ARHGAP24: variants seen among roughly 807,000 people sequenced by gnomAD.
ARHGAP24 encodes rho GTPase-activating protein 24.
A neutral mutation model predicts 76.4 loss-of-function variants in ARHGAP24; 50 were observed. The ratio of observed to expected loss-of-function variants is 0.65; its 90% CI spans 0.52 to 0.83. The LOEUF (loss-of-function observed/expected upper bound fraction) is 0.83, where lower values mean the gene tolerates loss of function less well. Among genes scored for constraint, ARHGAP24 ranks in the 40% least tolerant of loss-of-function variants. ARHGAP24 has a pLI of 0.00. For missense variants in ARHGAP24, 930 were observed against 914.2 expected (o/e 1.02, Z -0.22); for synonymous variants, 345 against 323.3 (o/e 1.07, Z -0.72).
At chr4:85,661,451 A>G (rs376412310) in intron 2 of ARHGAP24, among the ~76,000 whole-genome samples, 1 of 152,234 alleles carries the variant, frequency 6.6e-6, no homozygotes, top group East Asian at 1.9e-4. Flanking sequence ...TAGGCTTGCA[A>G]ATTTTCAAAA....
chr4:85,501,972 A>T (rs1723837264), intron 1 of ARHGAP24, among the ~76,000 whole-genome samples: 1 of 152,150 alleles, frequency 6.6e-6, no homozygotes, highest in South Asian at 2.1e-4. Flanking sequence ...CTATTTATTA[A>T]ATAGGGAATC....
chr4:85,979,122 A>G (rs1739495937), intron 8 of ARHGAP24, among the ~76,000 whole-genome samples: 2 of 152,222 alleles, frequency 1.3e-5, no homozygotes, highest in South Asian at 2.1e-4. Context: ...TGCATTTCCT[A>G]CAAGTTAGGA....
chr4:85,819,874 C>T (rs776953771), intron 3 of ARHGAP24, among the ~76,000 whole-genome samples: 1 of 149,672 alleles, frequency 6.7e-6, no homozygotes, highest in Non-Finnish European at 1.5e-5. Context: ...GAGCTGACAT[C>T]GTGCCATTGC....
intron 2 of ARHGAP24, among the ~76,000 whole-genome samples, chr4:85,660,794 C>CAAAAAAAAAAAAA (rs34228407): frequency 0.015 from 900 of 59,410 alleles, 212 homozygotes; most frequent in Middle Eastern, 0.062. Context: ...GACTCCGTCT[C>CAAAAAAAAAAAAA]AAAAAAAAAA....
chr4:85,937,656 A>G (rs967489522), intron 4 of ARHGAP24, among the ~76,000 whole-genome samples: 15 of 152,212 alleles, frequency 9.9e-5, no homozygotes, highest in Non-Finnish European at 2.1e-4. Context: ...ATCATGTAAC[A>G]TGGGACGTGT....
chr4:85,578,743 T>C (rs1365021680), intron 2 of ARHGAP24, among the ~76,000 whole-genome samples: 1 of 35,782 alleles, frequency 2.8e-5, no homozygotes, highest in African/African-American at 7.2e-5. Context: ...TAGCTATTGA[T>C]GTTACTATCA....
intron 4 of ARHGAP24, among the ~76,000 whole-genome samples, chr4:85,938,129 T>C (rs560233302): frequency 5.9e-5 from 9 of 152,262 alleles, no homozygotes; most frequent in Admixed American, 4.6e-4. Context: ...CACCTACCAG[T>C]ATAATAAATT....
intron 3 of ARHGAP24, among the ~76,000 whole-genome samples, chr4:85,833,976 G>C (rs539717838): frequency 6.6e-6 from 1 of 152,318 alleles, no homozygotes; most frequent in South Asian, 2.1e-4. Context: ...GTGAAGCTCA[G>C]TTTTCACATA....
At chr4:85,603,864 T>TA (rs933736480) in intron 2 of ARHGAP24, among the ~76,000 whole-genome samples, 34 of 150,378 alleles carry the variant, frequency 2.3e-4, no homozygotes, top group African/African-American at 7.5e-4. Flanking sequence ...TAAGCGTTGA[T>TA]TTTTTTTTTA....
intron 2 of ARHGAP24, among the ~76,000 whole-genome samples, chr4:85,592,699 T>C (rs1728167614): frequency 2.6e-5 from 4 of 152,190 alleles, no homozygotes; most frequent in Non-Finnish European, 4.4e-5. Context: ...TCAATTGTTT[T>C]AATTTTTAAC....
intron 2 of ARHGAP24, among the ~76,000 whole-genome samples, chr4:85,645,913 A>G (rs571031542): frequency 1.3e-5 from 2 of 152,088 alleles, no homozygotes; most frequent in African/African-American, 4.8e-5. Context: ...TTGATTGTTG[A>G]TACAATATGT....
At chr4:85,735,113 T>G (rs1343542594) in intron 3 of ARHGAP24, among the ~76,000 whole-genome samples, 1 of 152,196 alleles carries the variant, frequency 6.6e-6, no homozygotes, top group African/African-American at 2.4e-5. Flanking sequence ...TGTTTTTATC[T>G]TGTTATGTAA....
At chr4:85,482,776 C>G (rs564412712) in intron 1 of ARHGAP24, among the ~76,000 whole-genome samples, 89 of 152,320 alleles carry the variant, frequency 5.8e-4, no homozygotes, top group Middle Eastern at 3.4e-3. Context: ...TTAATCCTCA[C>G]AGTTCCTACA....
intron 5 of ARHGAP24, among the ~76,000 whole-genome samples, chr4:85,943,904 G>C (rs1264775202): frequency 6.6e-6 from 1 of 151,824 alleles, no homozygotes; most frequent in African/African-American, 2.4e-5. Context: ...ATTGTGAACA[G>C]TGCTGCAATA....
intron 1 of ARHGAP24, among the ~76,000 whole-genome samples, chr4:85,487,958 T>C (rs1219223427): frequency 9.6e-5 from 14 of 145,980 alleles, no homozygotes; most frequent in Non-Finnish European, 3.0e-5. Flanking sequence ...CGGGCTGTAG[T>C]GCAGTGGCGT....
intron 1 of ARHGAP24, among the ~76,000 whole-genome samples, chr4:85,497,127 T>C (rs935154535): frequency 6.6e-6 from 1 of 152,188 alleles, no homozygotes; most frequent in Non-Finnish European, 1.5e-5. Flanking sequence ...TGGTGACTAA[T>C]AGAAGTAGTA....
chr4:85,957,871 T>C lies in ARHGAP24; in HGVS notation c.600-14165T>C, dbSNP rs538354414. Among the ~76,000 whole-genome samples the C allele has an allele frequency of 2.6e-5, 4 of 152,268 alleles. No individual in the cohort carries two copies. In the East Asian group the frequency reaches 7.7e-4, roughly 29 times the overall value. On this transcript the variant is annotated intron_variant, in intron 5 of 9. Transcript: ENST00000395184. ...CAGGGTGTAAACTAGAAATCTGTCA[T>C]GTTGCATCATGTTTTACTCTGTGAT... is the stretch of plus-strand genomic sequence containing the variant.
chr4:85,755,380 C>A (rs1413503880), intron 3 of ARHGAP24, among the ~76,000 whole-genome samples: 1 of 151,986 alleles, frequency 6.6e-6, no homozygotes, highest in Non-Finnish European at 1.5e-5. Context: ...AATTTAGATA[C>A]CCCTACACTT....
chr4:85,561,340 C>A (rs1425163076), intron 1 of ARHGAP24, among the ~76,000 whole-genome samples: 1 of 152,174 alleles, frequency 6.6e-6, no homozygotes, highest in African/African-American at 2.4e-5. Context: ...CATATTTAGG[C>A]TCCTGGAATT....
Sources: allele counts gnomAD v4.1 joint callset (sites outside exome capture counted in the v4.1 genomes callset), GRCh38; gene constraint gnomAD v4.1.1; transcripts MANE v1.5; gene names NCBI Gene and HGNC (gene_info 2026-07-23, HGNC 2026-07-21).